Variants in PIP4K2A observed in about 807,000 individuals in gnomAD.
PIP4K2A encodes the protein phosphatidylinositol-5-phosphate 4-kinase type 2 alpha, also known as phosphatidylinositol 5-phosphate 4-kinase type-2 alpha.
PIP4K2A carries 14 observed loss-of-function variants against 42.9 expected under a neutral mutation model. The observed-to-expected ratio is 0.33, with a 90% CI of 0.22 to 0.51. The LOEUF is 0.51. Among genes scored for constraint, PIP4K2A ranks in the 20% least tolerant of loss-of-function variants. The probability of loss-of-function intolerance (pLI) is 0.97; values close to 1 mark genes in which losing one functional copy is unlikely to be tolerated. For synonymous variants in PIP4K2A, 192 were observed against 192.2 expected (o/e 1.00, Z 0.01); for missense variants, 434 against 519.8 (o/e 0.83, Z 1.61).
chr10:22,613,746 T>C (rs369905278), intron 1 of PIP4K2A, among the ~76,000 whole-genome samples: 3 of 152,272 alleles, frequency 2.0e-5, no homozygotes, highest in Admixed American at 6.5e-5. Flanking sequence ...CCAAGTGAAC[T>C]TGTGGATGAC....
chr10:22,595,624 G>A (rs952787166), intron 3 of PIP4K2A, among the ~76,000 whole-genome samples: 30 of 152,108 alleles, frequency 2.0e-4, no homozygotes, highest in Admixed American at 9.8e-4. Context: ...AGGTGTGGTG[G>A]TGCATGCCTG....
chr10:22,641,239 A>G (rs1203080086), intron 1 of PIP4K2A, among the ~76,000 whole-genome samples: 1 of 152,134 alleles, frequency 6.6e-6, no homozygotes, highest in Non-Finnish European at 1.5e-5. Context: ...TTCATGGAAA[A>G]GCTGGGTGAA....
chr10:22,596,730 C>G (rs2130829431), intron 3 of PIP4K2A, among the ~76,000 whole-genome samples: 1 of 152,314 alleles, frequency 6.6e-6, no homozygotes, highest in East Asian at 1.9e-4. Flanking sequence ...TTGGAAGCAA[C>G]CTTGGAGATG....
At chr10:22,538,960 T>C (rs1836011825) in intron 9 of PIP4K2A, among the ~76,000 whole-genome samples, 1 of 152,206 alleles carries the variant, frequency 6.6e-6, no homozygotes. Flanking sequence ...TTTTTGGTTC[T>C]GGTGAATCTT....
chr10:22,536,960 C>A lies in PIP4K2A; in HGVS notation c.*241G>T, dbSNP rs1040366466. The A allele has an allele frequency of 2.4e-5, 7 of 288,426 alleles. No homozygotes were observed. The highest frequency in any genetic ancestry group is 4.5e-5 in the African/African-American group (1 of 22,220). The allele number at this position is 288,426 out of a possible 1,614,324, so 17.9% of individuals were successfully genotyped here. On this transcript the variant is annotated 3_prime_UTR_variant, in exon 10 of 10. Coordinates refer to ENST00000376573, the MANE Select transcript of PIP4K2A (RefSeq NM_005028.5). ...ATGCACACGCGCGCACACACTCACC[C>A]CCCCCCAACACACACACACACACAT...
chr10:22,582,374 T>C (rs1489302203), intron 4 of PIP4K2A, among the ~76,000 whole-genome samples: 1 of 151,578 alleles, frequency 6.6e-6, no homozygotes, highest in African/African-American at 2.4e-5. Context: ...GAGAATGAAA[T>C]GCCATTAAGA....
chr10:22,712,578 A>T (rs544836315), intron 1 of PIP4K2A, among the ~76,000 whole-genome samples: 1 of 152,256 alleles, frequency 6.6e-6, no homozygotes, highest in Non-Finnish European at 1.5e-5. Context: ...AAAATTATAC[A>T]TAACTCTACA....
At chr10:22,595,814 G>C (rs1197971716) in intron 3 of PIP4K2A, among the ~76,000 whole-genome samples, 1 of 152,170 alleles carries the variant, frequency 6.6e-6, no homozygotes, top group Non-Finnish European at 1.5e-5. Flanking sequence ...TAGTCTCTTT[G>C]AGCCTTAGTT....
At chr10:22,590,134 A>T (rs773443973) in intron 4 of PIP4K2A, among the ~76,000 whole-genome samples, 1 of 152,214 alleles carries the variant, frequency 6.6e-6, no homozygotes, top group Non-Finnish European at 1.5e-5. Flanking sequence ...GGCTGTCTGC[A>T]AACCAGGAAG....
At chr10:22,571,598 A>G (rs1207930712) in intron 5 of PIP4K2A, among the ~76,000 whole-genome samples, 1 of 152,236 alleles carries the variant, frequency 6.6e-6, no homozygotes, top group Non-Finnish European at 1.5e-5. Flanking sequence ...ATGCATGCAA[A>G]CCAATCAATG....
intron 5 of PIP4K2A, among the ~76,000 whole-genome samples, chr10:22,571,842 G>A (rs533342412): frequency 2.2e-4 from 34 of 152,262 alleles, no homozygotes; most frequent in African/African-American, 5.1e-4. Context: ...GACTGACAGC[G>A]GAATCAGACA....
At chr10:22,653,363 C>T (rs1314835204) in intron 1 of PIP4K2A, among the ~76,000 whole-genome samples, 2 of 152,168 alleles carry the variant, frequency 1.3e-5, no homozygotes, top group African/African-American at 2.4e-5. Context: ...CAGTGTCACA[C>T]TGCAGGATAC....
At chr10:22,661,509 C>G (rs1419517905) in intron 1 of PIP4K2A, among the ~76,000 whole-genome samples, 1 of 152,006 alleles carries the variant, frequency 6.6e-6, no homozygotes, top group Non-Finnish European at 1.5e-5. Flanking sequence ...GCACGCACCA[C>G]TGTGCCAGGC....
intron 1 of PIP4K2A, among the ~76,000 whole-genome samples, chr10:22,623,138 G>C (rs1455288247): frequency 1.3e-5 from 2 of 151,998 alleles, no homozygotes; most frequent in Non-Finnish European, 1.5e-5. Context: ...GCGAGATAGA[G>C]ATGCGTTTAA....
chr10:22,622,608 C>T (rs752846906), intron 1 of PIP4K2A, among the ~76,000 whole-genome samples: 21 of 152,206 alleles, frequency 1.4e-4, no homozygotes, highest in Non-Finnish European at 2.2e-4. Context: ...CGCCAGTGGG[C>T]GGCAGCACAA....
intron 1 of PIP4K2A, among the ~76,000 whole-genome samples, chr10:22,659,899 C>T (rs942324983): frequency 9.2e-5 from 14 of 152,112 alleles, no homozygotes; most frequent in Admixed American, 2.6e-4. Flanking sequence ...GAATCTCTTC[C>T]TAGGGCTGTT....
intron 1 of PIP4K2A, among the ~76,000 whole-genome samples, chr10:22,660,432 C>T (rs1588691333): frequency 6.6e-6 from 1 of 152,098 alleles, no homozygotes; most frequent in East Asian, 1.9e-4. Flanking sequence ...GATCACGCCA[C>T]TGCACTCCAG....
At chr10:22,607,881 C>T (rs1306820528) in intron 3 of PIP4K2A, 46 bp downstream of exon 3, 1 of 1,252,560 alleles carries the variant, frequency 8.0e-7, no homozygotes, top group South Asian at 1.2e-5. Context: ...AAAGTCATGG[C>T]AAAACCCATT....
intron 7 of PIP4K2A, 139 bp from the exon 8 acceptor site, chr10:22,542,186 GCT>G: frequency 1.5e-6 from 1 of 661,978 alleles, no homozygotes; most frequent in East Asian, 2.6e-5. Flanking sequence ...CCTTCACGAT[GCT>G]CTTACACTCC....
Sources: allele counts gnomAD v4.1 joint callset (sites outside exome capture counted in the v4.1 genomes callset), GRCh38; gene constraint gnomAD v4.1.1; transcripts MANE v1.5; gene names NCBI Gene and HGNC (gene_info 2026-07-23, HGNC 2026-07-21).